WSCD1: variants seen among roughly 807,000 people sequenced by gnomAD.
WSCD1 encodes WSC domain sialate O sulfotransferase 1.
WSCD1 carries 41 observed loss-of-function variants against 60.4 expected under a neutral mutation model. The observed-to-expected ratio is 0.68, with a 90% CI of 0.53 to 0.88. The LOEUF is 0.88. Ranked by LOEUF, WSCD1 falls within the 40% of genes least tolerant of loss-of-function variation. The probability of loss-of-function intolerance (pLI) is 0.00; values close to 1 mark genes in which losing one functional copy is unlikely to be tolerated. For missense variants in WSCD1, 784 were observed against 796.2 expected (o/e 0.98, Z 0.18); for synonymous variants, 361 against 332.5 (o/e 1.09, Z -0.93).
rs990376151 is a variant in WSCD1, at chr17:6,078,478, A to G, written c.-288-1893A>G. Among the ~76,000 whole-genome samples, 8 of 152,224 alleles carry G rather than the reference A, an allele frequency of 5.3e-5. 1 individual carries two copies. The highest frequency in any genetic ancestry group is 2.0e-4 in the Admixed American group (3 of 15,288). ...GATAAGTGAAGAGGAAGGAAACAGC[A>G]TAAATAAAGGGTAGCTTGTGCAAAG... On this transcript the variant is annotated intron_variant, in intron 1 of 8. Transcript: ENST00000317744.
intron 2 of WSCD1, 50 bp downstream of exon 2, chr17:6,081,135 A>G: frequency 6.7e-7 from 1 of 1,489,396 alleles, no homozygotes; most frequent in Non-Finnish European, 8.9e-7. Context: ...CCCCCCATTC[A>G]GGGTCACAGG....
chr17:6,106,599 G>A (rs1426870746), intron 5 of WSCD1, among the ~76,000 whole-genome samples: 1 of 152,222 alleles, frequency 6.6e-6, no homozygotes, highest in Non-Finnish European at 1.5e-5. Context: ...GTTGCTCTGG[G>A]GAGGGAAGGA....
At chr17:6,115,888 G>C (rs961985885) in intron 7 of WSCD1, among the ~76,000 whole-genome samples, 26 of 152,226 alleles carry the variant, frequency 1.7e-4, no homozygotes, top group South Asian at 8.3e-4. Flanking sequence ...GAACCACCAT[G>C]CCTAGCCCAT....
intron 4 of WSCD1, among the ~76,000 whole-genome samples, chr17:6,094,817 A>G: frequency 6.6e-6 from 1 of 151,966 alleles, no homozygotes; most frequent in African/African-American, 2.4e-5. Context: ...GAAGGGAGGA[A>G]GGAATGACTT....
At chr17:6,090,288 A>G (rs993447293) in intron 3 of WSCD1, 33 bp from the exon 4 acceptor site, 27 of 1,520,128 alleles carry the variant, frequency 1.8e-5, no homozygotes, top group Non-Finnish European at 2.3e-5. Flanking sequence ...CTCTGGGCCA[A>G]GGTCCGGACT....
chr17:6,112,759 C>A (rs1911479774), intron 7 of WSCD1, among the ~76,000 whole-genome samples: 1 of 151,992 alleles, frequency 6.6e-6, no homozygotes, highest in Non-Finnish European at 1.5e-5. Context: ...AAGATCTCTG[C>A]AAAGATAACT....
chr17:6,111,071 C>G (rs1017093133), intron 7 of WSCD1, 136 bp downstream of exon 7: 8 of 839,176 alleles, frequency 9.5e-6, no homozygotes, highest in Non-Finnish European at 1.1e-5. Flanking sequence ...GTGGGTGGAG[C>G]CACTGTGTGC....
chr17:6,079,445 C>T (rs965294636), intron 1 of WSCD1, among the ~76,000 whole-genome samples: 3 of 152,208 alleles, frequency 2.0e-5, no homozygotes, highest in Non-Finnish European at 2.9e-5. Flanking sequence ...CAATGAGAAC[C>T]GAAACCCAGA....
chr17:6,113,666 A>T (rs1219469031), intron 7 of WSCD1, among the ~76,000 whole-genome samples: 1 of 152,202 alleles, frequency 6.6e-6, no homozygotes, highest in African/African-American at 2.4e-5. Context: ...AATCTGATTT[A>T]AAAATGGACA....
At chr17:6,090,223 T>A in intron 3 of WSCD1, 98 bp from the exon 4 acceptor site, 1 of 1,244,528 alleles carries the variant, frequency 8.0e-7, no homozygotes, top group Non-Finnish European at 1.1e-6. Context: ...AAAAAAAACA[T>A]ACTTTCTAAT....
At chr17:6,086,171 G>A (rs942332237) in intron 2 of WSCD1, among the ~76,000 whole-genome samples, 21 of 149,808 alleles carry the variant, frequency 1.4e-4, no homozygotes, top group East Asian at 3.9e-4. Flanking sequence ...CTGCCATCTC[G>A]CTTGTTCTCC....
intron 2 of WSCD1, among the ~76,000 whole-genome samples, chr17:6,082,631 C>T (rs920456638): frequency 2.0e-5 from 3 of 152,204 alleles, no homozygotes; most frequent in African/African-American, 7.2e-5. Context: ...GGTGACTGAG[C>T]TCAGTCAGCT....
chr17:6,110,802 T>C lies in WSCD1; in HGVS notation c.1041T>C (p.Pro347=). 1.2e-6 allele frequency: 2 copies of C among 1,613,864 alleles called. No homozygotes were observed. The highest frequency in any genetic ancestry group is 2.2e-5 in the South Asian group (2 of 91,062). ...GTTGTACAGACAGGAGGTTCCTGCCTAACAAATCCAAAGTGTTTGTGGCTT... is the reference window on the plus strand; with the variant it reads ...GTTGTACAGACAGGAGGTTCCTGCCCAACAAATCCAAAGTGTTTGTGGCTT... ...DTRCTDRRFL[P]NKSKVFVALS... The change falls in exon 7 of 9, where the codon CCT becomes CCC. Residue 347 remains proline (P), a synonymous_variant. Transcript: ENST00000317744. This position sits in a 1 kb window ranked among gnomAD's most constrained non-coding sequence, Gnocchi z 4.8.
rs1290359709 is a variant in WSCD1, at chr17:6,109,615, C to G, written c.858C>G (p.Pro286=). The G allele has an allele frequency of 1.2e-6, 2 of 1,613,874 alleles. No individual in the cohort carries two copies. Among genetic ancestry groups the G allele is most frequent in the Middle Eastern group, 1.6e-4 (1 of 6,062 alleles). The change falls in exon 6 of 9, where the codon CCC becomes CCG. Residue 286 remains proline, a synonymous_variant. Transcript: ENST00000317744. ...TTATCGTTCCCTGGCAGGAGTTCCC[C>G]TTGGCCATTCTCAGGGGCTGGGAAT... ...CSGFCSQKEF[P]LAILRGWECY...
chr17:6,092,103 A>G (rs1385545119), intron 4 of WSCD1, among the ~76,000 whole-genome samples: 2 of 151,016 alleles, frequency 1.3e-5, no homozygotes, highest in East Asian at 1.9e-4. Context: ...GCAGTGAGCC[A>G]AAATCATGCC....
chr17:6,071,496 C>A (rs1365586794), intron 1 of WSCD1, among the ~76,000 whole-genome samples: 1 of 152,354 alleles, frequency 6.6e-6, no homozygotes, highest in East Asian at 1.9e-4. Flanking sequence ...CACACTGGCC[C>A]TGCCCCTGCA....
chr17:6,100,172 G>T (rs530575935), intron 5 of WSCD1, among the ~76,000 whole-genome samples: 4 of 152,212 alleles, frequency 2.6e-5, no homozygotes, highest in Non-Finnish European at 5.9e-5. Context: ...GGATGTGGGG[G>T]CATGAAAGAA....
chr17:6,072,562 G>T (rs1047428430), intron 1 of WSCD1, among the ~76,000 whole-genome samples: 1 of 152,200 alleles, frequency 6.6e-6, no homozygotes, highest in Non-Finnish European at 1.5e-5. Flanking sequence ...GGTACAATGA[G>T]GTCAAGGCCA....
chr17:6,087,702 G>A (rs1432135962), intron 2 of WSCD1, among the ~76,000 whole-genome samples: 1 of 152,246 alleles, frequency 6.6e-6, no homozygotes. Context: ...CTGAGTTGGG[G>A]TAGTGGAAGA....
Sources: gnomAD v4.1 joint callset for allele counts (sites outside exome capture counted in the v4.1 genomes callset) on GRCh38, gnomAD v4.1.1 for gene constraint, Gnocchi (gnomAD v3.1) non-coding constraint, MANE v1.5 for transcripts, NCBI Gene and HGNC (gene_info 2026-07-23, HGNC 2026-07-21) for gene names.